The following PES1 variants were observed in gnomAD, a reference collection of about 807,000 sequenced individuals.
PES1 encodes the protein pescadillo homolog.
PES1 carries 31 observed loss-of-function variants against 77.1 expected under a neutral mutation model. That is an observed-to-expected ratio of 0.40 (90% CI 0.30 to 0.54). The LOEUF is 0.54. PES1 is among the 20% of genes least tolerant of loss of function. PES1 has a pLI of 0.45. For synonymous variants in PES1, 282 were observed against 303.0 expected (o/e 0.93, Z 0.72); for missense variants, 658 against 771.7 (o/e 0.85, Z 1.75).
At chr22:30,595,395 G>A (rs1029384600), upstream of PES1, among the ~76,000 whole-genome samples, 7 of 151,580 alleles carry the variant, frequency 4.6e-5, no homozygotes, top group African/African-American at 7.3e-5. Context: ...AAAATTAGCC[G>A]GGCAAGGTGG....
At chr22:30,580,446 C>T (rs765841023) in intron 10 of PES1, 125 bp downstream of exon 10, 58 of 1,351,362 alleles carry the variant, frequency 4.3e-5, no homozygotes, top group Admixed American at 1.2e-4. Context: ...CGAGCACTTT[C>T]CACACACTGT....
Position 30,588,183 on chromosome 22 carries a change from C to T in PES1, c.105-9G>A, listed in dbSNP as rs138288898. The T allele has an allele frequency of 6.8e-6, 11 of 1,614,156 alleles. No homozygotes were observed. In the East Asian group the frequency reaches 2.2e-4, roughly 33 times the overall value. Reference sequence around the variant, plus strand: ...TCAGAATGCACAGCCGCCTGGAAGACAGAGGCCATCTGTTATGTCAGTTAT... The same window carrying T: ...TCAGAATGCACAGCCGCCTGGAAGATAGAGGCCATCTGTTATGTCAGTTAT... On this transcript the variant is annotated splice_polypyrimidine_tract_variant and intron_variant, in intron 2 of 14. Transcript: ENST00000354694.
intron 4 of PES1, 33 bp from the exon 5 acceptor site, chr22:30,584,750 G>T: frequency 6.2e-7 from 1 of 1,608,444 alleles, no homozygotes; most frequent in Non-Finnish European, 8.5e-7. Context: ...CATGGGGCCT[G>T]TTCAGCGTGG....
At chr22:30,594,442 C>G (rs914973034), upstream of PES1, among the ~76,000 whole-genome samples, 1 of 151,994 alleles carries the variant, frequency 6.6e-6, no homozygotes, top group Non-Finnish European at 1.5e-5. Flanking sequence ...ATCACCTGAA[C>G]CTGGGAGGCA....
At position 30,580,052 on chromosome 22, in the gene PES1, CCTGCCAATGACTGAGGTCTG is replaced by C. The variant is rs1193145566; in HGVS notation, c.1150_1169del (p.Gln384ValfsTer10). ...CCGGACGAGGACCCTTGAGGGCCTA[CCTGCCAATGACTGAGGTCTG>C]CTGCCCAGGCCGGTCGACAATCTGA... On this transcript the variant is annotated frameshift_variant and splice_region_variant, in exon 11 of 15. Transcript: ENST00000354694. LOFTEE classifies it high-confidence loss of function. 6.2e-7 allele frequency: 1 copy of C among 1,613,686 alleles called. No homozygotes were observed.
chr22:30,605,025 C>T (rs2087416087), intron 2 of PES1, among the ~76,000 whole-genome samples: 1 of 152,068 alleles, frequency 6.6e-6, no homozygotes, highest in African/African-American at 2.4e-5. Context: ...ACAGGGTCTC[C>T]TTCTGTCGCC....
At position 30,576,771 on chromosome 22, in the gene PES1, G is replaced by T. The variant is rs551152791; in HGVS notation, c.*275C>A. On this transcript the variant is annotated 3_prime_UTR_variant, in exon 15 of 15. Coordinates refer to ENST00000354694, the MANE Select transcript of PES1 (RefSeq NM_014303.4). ...AATGGGGGCAGTAGGTAGGGGGCTG[G>T]GTGGGCCTCTGCACCTCATGTCACT... The T allele has an allele frequency of 2.0e-3, 1,025 of 510,548 alleles. 4 individuals carry two copies. The highest frequency in any genetic ancestry group is 2.9e-3 in the Non-Finnish European group (828 of 285,358). 31.6% of individuals were successfully genotyped at this position (510,548 alleles called of 1,614,324 possible). A position where few individuals can be genotyped will look rare whatever the true frequency, so the allele number is the denominator to read the frequency against.
At chr22:30,593,249 G>A (rs565447588), upstream of PES1, among the ~76,000 whole-genome samples, 1 of 152,288 alleles carries the variant, frequency 6.6e-6, no homozygotes, top group East Asian at 1.9e-4. Flanking sequence ...CACTTTGAGA[G>A]GCTGAGGCAG....
At chr22:30,587,699 G>A (rs1031995384) in intron 3 of PES1, among the ~76,000 whole-genome samples, 16 of 152,216 alleles carry the variant, frequency 1.1e-4, no homozygotes, top group African/African-American at 3.1e-4. Flanking sequence ...TTTTTCAACT[G>A]AGAACAGAAG....
intron 1 of PES1, among the ~76,000 whole-genome samples, chr22:30,589,977 C>G (rs1237639870): frequency 2.0e-5 from 3 of 152,200 alleles, no homozygotes; most frequent in Non-Finnish European, 4.4e-5. Flanking sequence ...GATACTGCCC[C>G]TCAACCAATT....
At chr22:30,601,007 C>T (rs1050777742) in intron 2 of PES1, among the ~76,000 whole-genome samples, 3 of 152,222 alleles carry the variant, frequency 2.0e-5, no homozygotes, top group Non-Finnish European at 2.9e-5. Flanking sequence ...GTAGCTGCCT[C>T]AAGGCAGTTG....
chr22:30,598,515 G>A (rs1003420035), intron 2 of PES1, among the ~76,000 whole-genome samples: 29 of 152,166 alleles, frequency 1.9e-4, no homozygotes, highest in Non-Finnish European at 2.9e-4. Context: ...TGCAACCTCT[G>A]CTTCCCGGGT....
At chr22:30,596,702 C>T (rs553102292), upstream of PES1, among the ~76,000 whole-genome samples, 1 of 152,218 alleles carries the variant, frequency 6.6e-6, no homozygotes, top group Non-Finnish European at 1.5e-5. Context: ...GTGCTGGCAG[C>T]CCTCACAGCC....
chr22:30,579,248 A>G lies in PES1; in HGVS notation c.1410T>C (p.Asp470=). 6.2e-7 allele frequency: 1 copy of G among 1,603,210 alleles called. No individual in the cohort carries two copies. Among genetic ancestry groups the G allele is most frequent in the Non-Finnish European group, 8.5e-7 (1 of 1,178,884 alleles). Reference sequence around the variant, plus strand: ...CCTCATTTTCTCCCTCTTCATCACCATCACCTTCGTTGTTGTCGTCCTCTT... The same window carrying G: ...CCTCATTTTCTCCCTCTTCATCACCGTCACCTTCGTTGTTGTCGTCCTCTT... ...EEEEDDNNEG[D]GDEEGENEEE... is the part of the protein sequence containing the mutation. The change falls in exon 13 of 15, where the codon GAT becomes GAC. Residue 470 remains aspartate, a synonymous_variant. Coordinates refer to ENST00000354694, the MANE Select transcript of PES1 (RefSeq NM_014303.4).
At chr22:30,578,806 C>A (rs1376008914) in intron 14 of PES1, 31 bp downstream of exon 14, 1 of 1,610,846 alleles carries the variant, frequency 6.2e-7, no homozygotes, top group Admixed American at 1.7e-5. Context: ...GGTGGCCACA[C>A]CTGGATCTCA....
intron 2 of PES1, 129 bp from the exon 3 acceptor site, chr22:30,588,303 T>A: frequency 1.0e-6 from 1 of 988,824 alleles, no homozygotes; most frequent in Non-Finnish European, 1.5e-6. Flanking sequence ...CCTCACATCC[T>A]AGTACATGAG....
intron 8 of PES1, 95 bp from the exon 9 acceptor site, chr22:30,581,196 C>A: frequency 7.4e-7 from 1 of 1,345,550 alleles, no homozygotes; most frequent in Non-Finnish European, 1.0e-6. Flanking sequence ...TGGGCATCAG[C>A]AGGTGTGGGT....
intron 2 of PES1, 117 bp from the exon 3 acceptor site, chr22:30,588,291 G>C: frequency 8.8e-7 from 1 of 1,140,426 alleles, no homozygotes; most frequent in South Asian, 1.4e-5. Flanking sequence ...TGCCCTTAGA[G>C]ACCTCACATC....
In PES1 at chr22:30,597,876, A is replaced by ATTTTTT. The variant is rs1210779167; in HGVS notation, c.-660-5479_-660-5478insAAAAAA. Among the ~76,000 whole-genome samples the ATTTTTT allele has an allele frequency of 2.7e-3, 336 of 125,088 alleles. 8 individuals are homozygous for ATTTTTT. Among genetic ancestry groups the ATTTTTT allele is most frequent in the African/African-American group, 0.01 (328 of 32,362 alleles). The allele number at this position is 125,088 out of a possible 152,430, so 82.1% of individuals were successfully genotyped here. A position where few individuals can be genotyped will look rare whatever the true frequency, so the allele number is the denominator to read the frequency against. Reference sequence around the variant, plus strand: ...CTCGGTTTTTTTTCCACGCAGTTGAAGTTTTGTTTTTTTTTTTTTTGTTTT... The same window carrying ATTTTTT: ...CTCGGTTTTTTTTCCACGCAGTTGAATTTTTTGTTTTGTTTTTTTTTTTTTTGTTTT... On this transcript the variant is annotated intron_variant, in intron 2 of 16. Coordinates refer to the PES1 transcript ENST00000402281.
Sources: allele counts gnomAD v4.1 joint callset (sites outside exome capture counted in the v4.1 genomes callset), GRCh38; gene constraint gnomAD v4.1.1; transcripts MANE v1.5; gene names NCBI Gene and HGNC (gene_info 2026-07-23, HGNC 2026-07-21).